The following MTM1 variants were observed in gnomAD, a reference collection of about 807,000 sequenced individuals.
MTM1 encodes myotubularin 1.
A neutral mutation model predicts 52.1 loss-of-function variants in MTM1; 9 were observed. That is an observed-to-expected ratio of 0.17 (90% CI 0.10 to 0.30). The LOEUF is 0.30. MTM1 is among the 10% of genes least tolerant of loss of function. The pLI is 1.00. For synonymous variants in MTM1, 136 were observed against 163.8 expected (o/e 0.83, Z 1.29); for missense variants, 277 against 470.7 (o/e 0.59, Z 3.81).
intron 4 of MTM1, among the ~76,000 whole-genome samples, chrX:150,610,483 TTAGG>T (rs2039256937): frequency 8.9e-6 from 1 of 112,095 alleles, no homozygotes; most frequent in Non-Finnish European, 1.9e-5. Context: ...GTCAATTACT[TTAGG>T]TAGTTAGAAG....
intron 6 of MTM1, among the ~76,000 whole-genome samples, chrX:150,627,264 A>G (rs1034694293): frequency 4.5e-5 from 5 of 111,743 alleles, no homozygotes; most frequent in Non-Finnish European, 9.4e-5. Context: ...TTGACTGTCA[A>G]CTATCCCACC....
intron 3 of MTM1, among the ~76,000 whole-genome samples, chrX:150,597,184 C>G (rs1189250880): frequency 3.6e-5 from 4 of 112,275 alleles, no homozygotes; most frequent in African/African-American, 1.3e-4. Flanking sequence ...TGTGGATTAA[C>G]ACCCTCCTTT....
chrX:150,627,930 A>C (rs2039597951), intron 6 of MTM1, among the ~76,000 whole-genome samples: 1 of 111,973 alleles, frequency 8.9e-6, no homozygotes, highest in South Asian at 3.7e-4. Flanking sequence ...CATACTACTT[A>C]AGGGCTGACT....
intron 1 of MTM1, among the ~76,000 whole-genome samples, chrX:150,582,175 A>G (rs1467801555): frequency 9.0e-6 from 1 of 111,546 alleles, no homozygotes; most frequent in African/African-American, 3.3e-5. Flanking sequence ...TGCCCACTAT[A>G]TAGTTACTGA....
rs782346757 is a variant in MTM1 at position 150,627,964 on chromosome X, G to A, written c.444+8825G>A. 2.7e-5 allele frequency among the ~76,000 whole-genome samples: 3 copies of A among 111,721 alleles called. No individual in the cohort carries two copies. The South Asian group carries it at 1.1e-3, about 42-fold the overall frequency. On this transcript the variant is annotated intron_variant, in intron 6 of 14. Transcript: ENST00000370396. ...CTTGTGACTACAAATTTCTAGTGGGGGATGGTGGCAGGGATTTGTTTCCTC... is the reference window on the plus strand; with the variant it reads ...CTTGTGACTACAAATTTCTAGTGGGAGATGGTGGCAGGGATTTGTTTCCTC...
At chrX:150,668,572 G>A (rs1035852005) in intron 14 of MTM1, among the ~76,000 whole-genome samples, 4 of 110,121 alleles carry the variant, frequency 3.6e-5, no homozygotes, top group Non-Finnish European at 5.7e-5. Flanking sequence ...AGGCATGGCA[G>A]TGCATGCTTG....
chrX:150,657,139 T>C (rs373000477), intron 10 of MTM1, among the ~76,000 whole-genome samples: 5 of 109,865 alleles, frequency 4.6e-5, no homozygotes, highest in Non-Finnish European at 7.6e-5. Flanking sequence ...ACCCAAAGGA[T>C]TATAAATCAT....
intron 4 of MTM1, among the ~76,000 whole-genome samples, chrX:150,611,683 G>A (rs899641494): frequency 9.0e-6 from 1 of 111,014 alleles, no homozygotes; most frequent in South Asian, 3.8e-4. Context: ...GTGCTTTTGT[G>A]CACAGTTCTG....
rs1191877308 is a variant in MTM1 at position 150,583,338 on chromosome X, ATTATATAT to A, written c.-10-9266_-10-9259del. Among the ~76,000 whole-genome samples, 33 of 49,676 alleles carry A rather than the reference ATTATATAT, an allele frequency of 6.6e-4. 1 individual carries two copies. The highest frequency in any genetic ancestry group is 2.6e-3 in the Admixed American group (6 of 2,352). The allele number at this position is 49,676 out of a possible 115,157, so 43.1% of individuals were successfully genotyped here. A position where few individuals can be genotyped will look rare whatever the true frequency, so the allele number is the denominator to read the frequency against. On this transcript the variant is annotated intron_variant, in intron 1 of 14. Transcript: ENST00000370396. The stretch of plus-strand genomic sequence containing the variant: ...TTATAAATATATATAAATTATATAT[ATTATATAT>A]AATTATAAATATATATAAATTATAT...
rs2039803958 is a variant in MTM1 at position 150,639,039 on chromosome X, A to T, written c.528+13A>T. On this transcript the variant is annotated intron_variant, in intron 7 of 14. Transcript: ENST00000370396. ...ATACAGGAGGCAGGTAAGATGTTAG[A>T]TGCTATTGTCTGGTATGTGATGAAC... The T allele has an allele frequency of 8.8e-7, 1 of 1,136,583 alleles. No homozygotes were observed. The highest frequency in any genetic ancestry group is 1.8e-5 in the South Asian group (1 of 55,311). 93.7% of individuals were successfully genotyped at this position (1,136,583 alleles called of 1,213,427 possible).
At chrX:150,659,778 A>C in intron 12 of MTM1, 22 bp downstream of exon 12, 1 of 1,087,488 alleles carries the variant, frequency 9.2e-7, no homozygotes, top group Non-Finnish European at 1.3e-6. Flanking sequence ...GAGGGATGAA[A>C]ATACATTCAA....
intron 7 of MTM1, among the ~76,000 whole-genome samples, chrX:150,640,075 G>A (rs1382319690): frequency 9.0e-6 from 1 of 111,430 alleles, no homozygotes. Flanking sequence ...AGTTTTCTAA[G>A]GCTTTGCACT....
intron 1 of MTM1, among the ~76,000 whole-genome samples, chrX:150,583,638 A>T (rs782721621): frequency 0.076 from 2,673 of 34,989 alleles, 457 homozygotes; most frequent in Middle Eastern, 0.18. Flanking sequence ...ATTTATATAT[A>T]ATATATAATT....
chrX:150,623,130 C>G (rs2148466748), intron 6 of MTM1, among the ~76,000 whole-genome samples: 1 of 111,485 alleles, frequency 9.0e-6, no homozygotes, highest in African/African-American at 3.3e-5. Context: ...TAGAGAAGTC[C>G]TGAACCAGAA....
rs781846543 is a variant in MTM1, at chrX:150,663,547, A to T, written c.1582A>T (p.Met528Leu). Residue 528 changes from methionine to leucine, a missense_variant, in exon 14 of 15, where the codon ATG becomes TTG. Around this residue, in one of 4 missense-constraint regions of MTM1, gnomAD observed 59 missense variants for 107.8 expected, o/e 0.55. Coordinates refer to ENST00000370396, the MANE Select transcript of MTM1 (RefSeq NM_000252.3). Reference sequence around the variant, plus strand: ...TCGAGTTTTATATCCAGTTGCCAGTATGCGTCACTTGGAACTCTGGGTGAA... The same window carrying T: ...TCGAGTTTTATATCCAGTTGCCAGTTTGCGTCACTTGGAACTCTGGGTGAA... Reference protein sequence around the residue: ...INRVLYPVASMRHLELWVNYY... With the variant: ...INRVLYPVASLRHLELWVNYY... 1.7e-6 allele frequency: 2 copies of T among 1,211,882 alleles called. No individual in the cohort carries two copies. The highest frequency in any genetic ancestry group is 2.2e-6 in the Non-Finnish European group (2 of 895,434).
chrX:150,634,280 G>A (rs1405461968), intron 6 of MTM1, among the ~76,000 whole-genome samples: 1 of 112,263 alleles, frequency 8.9e-6, no homozygotes, highest in Non-Finnish European at 1.9e-5. Context: ...GGAAACTCAA[G>A]AATTAACATT....
intron 6 of MTM1, among the ~76,000 whole-genome samples, chrX:150,625,857 G>GTAAC (rs1441482137): frequency 8.9e-6 from 1 of 112,691 alleles, no homozygotes; most frequent in Non-Finnish European, 1.9e-5. Context: ...CACAGGTGAG[G>GTAAC]TAACTTGCTC....
chrX:150,662,308 A>T (rs1324762318), intron 13 of MTM1, among the ~76,000 whole-genome samples: 1 of 112,327 alleles, frequency 8.9e-6, no homozygotes, highest in Non-Finnish European at 1.9e-5. Context: ...AATGAAATAC[A>T]TATGTTTAAG....
At chrX:150,569,003 C>A (rs1453296383) in intron 1 of MTM1, among the ~76,000 whole-genome samples, 1 of 113,515 alleles carries the variant, frequency 8.8e-6, no homozygotes, top group Non-Finnish European at 1.9e-5. Flanking sequence ...TTTGCTTCCC[C>A]GTCCCGGGGC....
Sources: allele counts gnomAD v4.1 joint callset (sites outside exome capture counted in the v4.1 genomes callset), GRCh38; gene constraint gnomAD v4.1.1; regional missense constraint gnomAD v4.1.1; transcripts MANE v1.5; gene names NCBI Gene and HGNC (gene_info 2026-07-23, HGNC 2026-07-21).